Variants in R3HDM1 observed in about 807,000 individuals in gnomAD.
R3HDM1 encodes R3H domain-containing protein 1.
In R3HDM1, 46 loss-of-function variants were observed where a neutral mutation model predicts 141.1. The ratio of observed to expected loss-of-function variants is 0.33; its 90% CI spans 0.26 to 0.42. The LOEUF is 0.42. Ranked by LOEUF, R3HDM1 falls within the 10% of genes least tolerant of loss-of-function variation. R3HDM1 has a pLI of 1.00. For synonymous variants in R3HDM1, 435 were observed against 472.9 expected, an observed-to-expected ratio of 0.92 and a Z score of 1.04; for missense variants, 1,184 against 1,368.3, an observed-to-expected ratio of 0.87 and a Z score of 2.12.
chr2:135,691,228 T>A (rs529437871), intron 21 of R3HDM1, among the ~76,000 whole-genome samples: 2 of 152,340 alleles, frequency 1.3e-5, no homozygotes, highest in African/African-American at 2.4e-5. Context: ...CTCACCAAAG[T>A]CATTTTTCAG....
Position 135,653,654 on chromosome 2 carries a change from T to G in R3HDM1, c.2028+1622T>G, listed in dbSNP as rs141080587. On this transcript the variant is annotated intron_variant, in intron 18 of 26. Transcript: ENST00000683871. ...TTCTAAATACCTTTTGTTATTGATT[T>G]CTGTTTTAATTACATGTGGTCAGAG... Among the ~76,000 whole-genome samples, 118 of 152,344 alleles carry G rather than the reference T, an allele frequency of 7.7e-4. 2 individuals carry two copies. The East Asian group carries it at 0.018, about 24-fold the overall frequency.
chr2:135,591,592 A>G (rs1386719993), intron 1 of R3HDM1, among the ~76,000 whole-genome samples: 2 of 152,230 alleles, frequency 1.3e-5, no homozygotes, highest in Admixed American at 1.3e-4. Flanking sequence ...AACAAAGCAC[A>G]AAACACATTA....
Position 135,719,237 on chromosome 2 carries a change from G to T in R3HDM1, c.2882-2687G>T, listed in dbSNP as rs1438400404. ...GAAACAGTATGCGTCATACAGTCTGGTATGAATGCCGCAGGAGGAACACCT... is the reference window on the plus strand; with the variant it reads ...GAAACAGTATGCGTCATACAGTCTGTTATGAATGCCGCAGGAGGAACACCT... On this transcript the variant is annotated intron_variant, in intron 24 of 26. Transcript: ENST00000683871. Among the ~76,000 whole-genome samples the T allele has an allele frequency of 2.0e-5, 3 of 151,994 alleles. No individual in the cohort carries two copies. The East Asian group carries it at 5.8e-4, about 29-fold the overall frequency.
chr2:135,607,900 CTTG>C, intron 3 of R3HDM1: 3 of 982,236 alleles, frequency 3.1e-6, no homozygotes, highest in Non-Finnish European at 3.6e-6. Context: ...TCTTTGACCT[CTTG>C]TTTCCTATAG....
intron 21 of R3HDM1, among the ~76,000 whole-genome samples, chr2:135,683,274 C>G (rs1213114284): frequency 6.6e-6 from 1 of 151,894 alleles, no homozygotes; most frequent in Non-Finnish European, 1.5e-5. Context: ...AGTTCTCTGA[C>G]TGGCTGCAGT....
chr2:135,627,871 T>C (rs2062209270), intron 7 of R3HDM1, among the ~76,000 whole-genome samples: 1 of 152,182 alleles, frequency 6.6e-6, no homozygotes. Context: ...CTTCTTTTTT[T>C]ATTTGCCACT....
intron 21 of R3HDM1, 138 bp from the exon 22 acceptor site, chr2:135,709,295 G>T (rs373218396): frequency 8.8e-7 from 1 of 1,130,072 alleles, no homozygotes; most frequent in Non-Finnish European, 1.2e-6. Flanking sequence ...GGATGTTCTC[G>T]ATCTCCTGAC....
intron 21 of R3HDM1, among the ~76,000 whole-genome samples, chr2:135,690,374 TAATA>T (rs2072144373): frequency 1.3e-5 from 2 of 152,166 alleles, no homozygotes; most frequent in South Asian, 2.1e-4. Flanking sequence ...AAATAAAATG[TAATA>T]AATAAAATTT....
chr2:135,543,466 T>C (rs1698052185), intron 1 of R3HDM1, among the ~76,000 whole-genome samples: 1 of 152,058 alleles, frequency 6.6e-6, no homozygotes, highest in African/African-American at 2.4e-5. Flanking sequence ...ATCCCATTTA[T>C]TATTCTATAT....
chr2:135,672,738 T>C (rs905410944), intron 19 of R3HDM1, among the ~76,000 whole-genome samples: 1 of 152,088 alleles, frequency 6.6e-6, no homozygotes, highest in Non-Finnish European at 1.5e-5. Flanking sequence ...TGCGTGTGTT[T>C]GTGTGTGTGC....
intron 24 of R3HDM1, among the ~76,000 whole-genome samples, chr2:135,715,907 T>A (rs931910674): frequency 2.0e-5 from 3 of 152,264 alleles, no homozygotes; most frequent in Admixed American, 2.0e-4. Flanking sequence ...TACTTCTGTT[T>A]AGTAATTACA....
intron 21 of R3HDM1, among the ~76,000 whole-genome samples, chr2:135,706,121 T>G (rs1395313723): frequency 7.2e-6 from 1 of 138,194 alleles, no homozygotes; most frequent in Non-Finnish European, 1.5e-5. Context: ...AAAGGGAGAC[T>G]CCATCTCGAA....
rs367546275 is a variant in R3HDM1, at chr2:135,651,955, G to A, written c.1951G>A (p.Gly651Arg). The A allele has an allele frequency of 5.0e-6, 8 of 1,613,482 alleles. No homozygotes were observed. The highest frequency in any genetic ancestry group is 6.8e-6 in the Non-Finnish European group (8 of 1,179,750). ...LPPGQPVPTA[G>R]YPASGHPVSQ... ...ACCTGGGCAGCCAGTCCCTACTGCT[G>A]GATATCCTGCCTCTGGTCATCCTGT... The change falls in exon 18 of 27, where the codon GGA (glycine) becomes AGA (arginine). Residue 651 changes from glycine (G) to arginine (R), a missense_variant. Coordinates refer to ENST00000683871, the MANE Select transcript of R3HDM1 (RefSeq NM_001378107.1).
At chr2:135,632,330 A>C (rs892283840) in intron 9 of R3HDM1, among the ~76,000 whole-genome samples, 1 of 79,056 alleles carries the variant, frequency 1.3e-5, no homozygotes, top group African/African-American at 6.1e-5. Flanking sequence ...GTCAAATTTA[A>C]AAAAAAAAAA....
intron 1 of R3HDM1, among the ~76,000 whole-genome samples, chr2:135,554,371 A>G (rs1446770001): frequency 1.3e-5 from 2 of 152,240 alleles, no homozygotes; most frequent in African/African-American, 2.4e-5. Flanking sequence ...ATTTCTGAAT[A>G]ATATGCGTTT....
rs80217055 is a variant in R3HDM1 at position 135,647,900 on chromosome 2, A to G, written c.1624-2002A>G. ...GTCAGAATTTCACTTTCATCAATCA[A>G]TCTTCTAGCCCACAGTTTTTTTCAT... On this transcript the variant is annotated intron_variant, in intron 16 of 26. Coordinates refer to ENST00000683871, the MANE Select transcript of R3HDM1 (RefSeq NM_001378107.1). 1.9e-3 allele frequency among the ~76,000 whole-genome samples: 285 copies of G among 152,270 alleles called. 6 individuals are homozygous for G. In the East Asian group the frequency reaches 0.043, roughly 23 times the overall value.
chr2:135,584,804 T>C lies in R3HDM1; in HGVS notation c.-249-17696T>C, dbSNP rs149477310. ...TGAAATGTAGTAGAAAATATTCATT[T>C]GTTTTTGCTACAGTGTAAGTGGGTT... is the stretch of plus-strand genomic sequence containing the variant. On this transcript the variant is annotated intron_variant, in intron 1 of 26. Coordinates refer to ENST00000683871, the MANE Select transcript of R3HDM1 (RefSeq NM_001378107.1). Among the ~76,000 whole-genome samples, 454 of 152,374 alleles carry C rather than the reference T, an allele frequency of 3.0e-3. 2 individuals are homozygous for C. The highest frequency in any genetic ancestry group is 0.01 in the African/African-American group (430 of 41,598).
chr2:135,550,342 T>A, intron 1 of R3HDM1: 1 of 611,094 alleles, frequency 1.6e-6, no homozygotes, highest in Non-Finnish European at 2.0e-6. Flanking sequence ...ATACAGCTAC[T>A]CTACCATGTT....
At chr2:135,661,479 T>C in intron 19 of R3HDM1, 86 bp downstream of exon 19, 1 of 1,478,200 alleles carries the variant, frequency 6.8e-7, no homozygotes, top group Non-Finnish European at 9.3e-7. Flanking sequence ...TAGTACCTAC[T>C]CAGTCTCTCA....
Sources: gnomAD v4.1 joint callset for allele counts (sites outside exome capture counted in the v4.1 genomes callset) on GRCh38, gnomAD v4.1.1 for gene constraint, MANE v1.5 for transcripts, NCBI Gene and HGNC (gene_info 2026-07-23, HGNC 2026-07-21) for gene names.